Variants in PCBP3 observed in about 807,000 individuals in gnomAD.
The protein encoded by PCBP3 is poly(rC)-binding protein 3.
A neutral mutation model predicts 52.7 loss-of-function variants in PCBP3; 25 were observed. That is an observed-to-expected ratio of 0.47 (90% CI 0.35 to 0.66). PCBP3 has a LOEUF of 0.66. PCBP3 is among the 30% of genes least tolerant of loss of function. The probability of loss-of-function intolerance (pLI) is 0.01; values close to 1 mark genes in which losing one functional copy is unlikely to be tolerated. For synonymous variants in PCBP3, 162 were observed against 183.0 expected (o/e 0.89, Z 0.93); for missense variants, 391 against 490.3 (o/e 0.80, Z 1.91).
chr21:45,678,461 G>A (rs1205431131), intron 2 of PCBP3, among the ~76,000 whole-genome samples: 1 of 152,154 alleles, frequency 6.6e-6, no homozygotes, highest in Non-Finnish European at 1.5e-5. Flanking sequence ...GAACATTTGT[G>A]ACTCATGGGA....
chr21:45,866,450 G>A (rs1473781230), intron 5 of PCBP3, among the ~76,000 whole-genome samples: 1 of 152,224 alleles, frequency 6.6e-6, no homozygotes, highest in Admixed American at 6.5e-5. Context: ...AAGGGGCTGT[G>A]GAGAAAATGT....
intron 2 of PCBP3, among the ~76,000 whole-genome samples, chr21:45,678,515 C>T (rs1459832647): frequency 2.6e-5 from 4 of 151,980 alleles, no homozygotes; most frequent in Non-Finnish European, 5.9e-5. Flanking sequence ...TTGATTCCAA[C>T]CCTCATGGAT....
At chr21:45,911,223 T>C in intron 11 of PCBP3, 193 bp downstream of exon 11, 1 of 683,374 alleles carries the variant, frequency 1.5e-6, no homozygotes, top group Non-Finnish European at 2.6e-6. Context: ...GGCTGCCAGC[T>C]CAGGGTCCAG....
At chr21:45,929,030 C>G (rs879735725) in intron 13 of PCBP3, among the ~76,000 whole-genome samples, 1 of 152,222 alleles carries the variant, frequency 6.6e-6, no homozygotes, top group Admixed American at 6.5e-5. Context: ...CTGAGCAGCC[C>G]TGGGCTCTCC....
intron 1 of PCBP3, among the ~76,000 whole-genome samples, chr21:45,646,411 C>T (rs539776511): frequency 1.3e-5 from 2 of 151,986 alleles, no homozygotes; most frequent in South Asian, 2.1e-4. Context: ...TTAAATGAAA[C>T]CCTGTTTTCT....
At position 45,775,201 on chromosome 21, in the gene PCBP3, T is replaced by C. The variant is rs147190898; in HGVS notation, c.-126+19749T>C. Reference sequence around the variant, plus strand: ...TCAGTCTCACTATTCCTTATTAGTCTGTTCAGGATTTTTATTTCCTCCTGA... The same window carrying C: ...TCAGTCTCACTATTCCTTATTAGTCCGTTCAGGATTTTTATTTCCTCCTGA... On this transcript the variant is annotated intron_variant, in intron 4 of 17. Transcript: ENST00000681687. 6.6e-5 allele frequency among the ~76,000 whole-genome samples: 10 copies of C among 152,342 alleles called. No individual in the cohort carries two copies. In the East Asian group the frequency reaches 1.9e-3, roughly 29 times the overall value.
At chr21:45,690,132 G>C (rs1001377201) in intron 2 of PCBP3, among the ~76,000 whole-genome samples, 3 of 152,152 alleles carry the variant, frequency 2.0e-5, no homozygotes, top group African/African-American at 7.2e-5. Context: ...ATAGCATAGG[G>C]ATAGGCATGT....
intron 1 of PCBP3, among the ~76,000 whole-genome samples, chr21:45,660,060 T>TA (rs1401808779): frequency 6.6e-6 from 1 of 152,104 alleles, no homozygotes; most frequent in African/African-American, 2.4e-5. Context: ...TTCCAACTGT[T>TA]ACTGTTGAAC....
intron 12 of PCBP3, 63 bp downstream of exon 12, chr21:45,914,088 G>A (rs773806695): frequency 1.1e-5 from 17 of 1,610,314 alleles, no homozygotes; most frequent in African/African-American, 5.4e-5. Flanking sequence ...AGCACCCGCC[G>A]CTGCCCGTTA....
chr21:45,860,083 G>A (rs1167142441), intron 5 of PCBP3, among the ~76,000 whole-genome samples: 1 of 152,148 alleles, frequency 6.6e-6, no homozygotes, highest in Non-Finnish European at 1.5e-5. Context: ...TGTGGATGGG[G>A]TCTAACCTCC....
intron 2 of PCBP3, among the ~76,000 whole-genome samples, chr21:45,730,478 T>C (rs1208064187): frequency 6.6e-6 from 1 of 152,152 alleles, no homozygotes; most frequent in African/African-American, 2.4e-5. Context: ...AAATATCTCA[T>C]GACCACTTGA....
intron 1 of PCBP3, among the ~76,000 whole-genome samples, chr21:45,647,413 G>A (rs2079388750): frequency 6.6e-6 from 1 of 152,218 alleles, no homozygotes; most frequent in African/African-American, 2.4e-5. Context: ...CATGTAAACA[G>A]ATAATTACAG....
At chr21:45,675,835 A>G (rs1489023717) in intron 2 of PCBP3, among the ~76,000 whole-genome samples, 1 of 152,240 alleles carries the variant, frequency 6.6e-6, no homozygotes, top group East Asian at 1.9e-4. Flanking sequence ...ACACAAATCA[A>G]GACCATGGCA....
intron 4 of PCBP3, among the ~76,000 whole-genome samples, chr21:45,798,156 C>T (rs368586307): frequency 1.4e-5 from 2 of 147,404 alleles, no homozygotes; most frequent in Non-Finnish European, 3.0e-5. Context: ...CATGGATGGA[C>T]GAATGCATGG....
chr21:45,822,820 A>G (rs1216710687), intron 4 of PCBP3, among the ~76,000 whole-genome samples: 1 of 152,190 alleles, frequency 6.6e-6, no homozygotes, highest in Non-Finnish European at 1.5e-5. Flanking sequence ...CTAATCAGGC[A>G]TTTTTCAGGC....
At chr21:45,841,914 GAGACGCAC>G (rs1244057557) in intron 4 of PCBP3, among the ~76,000 whole-genome samples, 1 of 152,188 alleles carries the variant, frequency 6.6e-6, no homozygotes, top group Admixed American at 6.5e-5. Context: ...CTGTTGTCTA[GAGACGCAC>G]AGCCTCTCAC....
At chr21:45,648,425 T>C (rs142922206) in intron 1 of PCBP3, among the ~76,000 whole-genome samples, 123 of 152,352 alleles carry the variant, frequency 8.1e-4, no homozygotes, top group African/African-American at 2.9e-3. Context: ...TGATATTGTC[T>C]TATTTGGCCC....
chr21:45,811,121 C>T (rs1032308798), intron 4 of PCBP3, among the ~76,000 whole-genome samples: 4 of 151,702 alleles, frequency 2.6e-5, no homozygotes, highest in South Asian at 2.1e-4. Context: ...ACTGTTTGTT[C>T]GCTGTGCTTT....
chr21:45,939,939 C>T (rs1169336626), intron 16 of PCBP3, 91 bp from the exon 17 acceptor site: 14 of 1,204,094 alleles, frequency 1.2e-5, no homozygotes, highest in African/African-American at 1.1e-4. Flanking sequence ...GCTGGCGGCC[C>T]GTCCCACCGG....
Sources: allele counts gnomAD v4.1 joint callset (sites outside exome capture counted in the v4.1 genomes callset), GRCh38; gene constraint gnomAD v4.1.1; transcripts MANE v1.5; gene names NCBI Gene and HGNC (gene_info 2026-07-23, HGNC 2026-07-21).